ZBTB20: variants seen among roughly 807,000 people sequenced by gnomAD.
ZBTB20 encodes zinc finger and BTB domain containing 20.
ZBTB20 carries 9 observed loss-of-function variants against 56.9 expected under a neutral mutation model. That is an observed-to-expected ratio of 0.16 (90% CI 0.10 to 0.28). ZBTB20 has a LOEUF of 0.28. Ranked by LOEUF, ZBTB20 falls within the 10% of genes least tolerant of loss-of-function variation. ZBTB20 has a pLI of 1.00. For missense variants in ZBTB20, 655 were observed against 1,003.0 expected (o/e 0.65, Z 4.69); for synonymous variants, 417 against 420.7 (o/e 0.99, Z 0.11).
At chr3:114,343,919 G>A (rs1404089423) in intron 11 of ZBTB20, among the ~76,000 whole-genome samples, 2 of 152,086 alleles carry the variant, frequency 1.3e-5, no homozygotes, top group African/African-American at 4.8e-5. Flanking sequence ...CATGGTGGTG[G>A]GCGCCTGTAA....
rs1248616771 is a variant in ZBTB20, at chr3:114,744,915, C to T, written c.-342-51340G>A. Among the ~76,000 whole-genome samples, 6 of 151,192 alleles carry T rather than the reference C, an allele frequency of 4.0e-5. No individual in the cohort carries two copies. In the South Asian group the frequency reaches 8.4e-4, roughly 21 times the overall value. Reference sequence around the variant, plus strand: ...CCTAGAAAAAGAGCCTCTTTGCATACGTGAAAAAAAAGAACTCAAATAAAA... The same window carrying T: ...CCTAGAAAAAGAGCCTCTTTGCATATGTGAAAAAAAAGAACTCAAATAAAA... On this transcript the variant is annotated intron_variant, in intron 5 of 11. Transcript: ENST00000675478.
chr3:115,070,006 G>A (rs1262705556), intron 2 of ZBTB20, among the ~76,000 whole-genome samples: 1 of 151,992 alleles, frequency 6.6e-6, no homozygotes, highest in African/African-American at 2.4e-5. Flanking sequence ...CTTTGATGTA[G>A]GACCAATGGC....
intron 3 of ZBTB20, among the ~76,000 whole-genome samples, chr3:114,936,785 T>C (rs1470371833): frequency 4.6e-5 from 7 of 152,200 alleles, no homozygotes; most frequent in African/African-American, 1.4e-4. Context: ...CATTAAGCAC[T>C]ATGTATCAAG....
Position 114,765,921 on chromosome 3 carries a change from C to T in ZBTB20, c.-343+35180G>A, listed in dbSNP as rs538945705. 1.2e-4 allele frequency among the ~76,000 whole-genome samples: 18 copies of T among 152,130 alleles called. No homozygotes were observed. In the South Asian group the frequency reaches 1.9e-3, roughly 16 times the overall value. On this transcript the variant is annotated intron_variant, in intron 5 of 11. Transcript: ENST00000675478. ...AAACTGAAATATACTCTACAGAACACGTCAAAGAAAGAGTCCCCAACCTCC... is the reference window on the plus strand; with the variant it reads ...AAACTGAAATATACTCTACAGAACATGTCAAAGAAAGAGTCCCCAACCTCC...
chr3:114,491,947 G>T (rs2042803570), intron 7 of ZBTB20, among the ~76,000 whole-genome samples: 1 of 152,084 alleles, frequency 6.6e-6, no homozygotes, highest in African/African-American at 2.4e-5. Flanking sequence ...ATTAATATAA[G>T]CAATATATAT....
rs562321776 is a variant in ZBTB20, at chr3:114,337,889, A to G, written c.*1116T>C. 14 of 151,902 alleles carry G rather than the reference A, an allele frequency of 9.2e-5. No homozygotes were observed. The East Asian group carries it at 2.7e-3, about 29-fold the overall frequency. 9.4% of individuals were successfully genotyped at this position (151,902 alleles called of 1,614,324 possible). A position where few individuals can be genotyped will look rare whatever the true frequency, so the allele number is the denominator to read the frequency against. ...ATGCAAAACCAAAATGAAAAAAATT[A>G]CTTTTAACAATTTCACTTTTTTTGT... On this transcript the variant is annotated 3_prime_UTR_variant, in exon 12 of 12. Coordinates refer to ENST00000675478, the MANE Select transcript of ZBTB20 (RefSeq NM_001348800.3).
At chr3:114,933,900 GCTCT>G (rs1256903303) in intron 3 of ZBTB20, among the ~76,000 whole-genome samples, 2 of 152,054 alleles carry the variant, frequency 1.3e-5, no homozygotes, top group East Asian at 3.8e-4. Flanking sequence ...AAAGCAATAT[GCTCT>G]CTATCCCAAT....
intron 6 of ZBTB20, among the ~76,000 whole-genome samples, chr3:114,688,709 A>G (rs1225910764): frequency 1.3e-5 from 2 of 152,210 alleles, no homozygotes; most frequent in Admixed American, 1.3e-4. Flanking sequence ...GTTAAGGGCT[A>G]AAGTGCCTTT....
At chr3:114,413,402 T>C (rs188442134) in intron 7 of ZBTB20, among the ~76,000 whole-genome samples, 71 of 152,288 alleles carry the variant, frequency 4.7e-4, no homozygotes, top group Non-Finnish European at 1.8e-4. Context: ...ACATAAATAG[T>C]ATCACAAAGG....
At chr3:115,061,646 G>A (rs1287579103) in intron 2 of ZBTB20, among the ~76,000 whole-genome samples, 2 of 151,966 alleles carry the variant, frequency 1.3e-5, no homozygotes, top group African/African-American at 2.4e-5. Flanking sequence ...TATCTATTCA[G>A]TCTGAGGTGA....
At chr3:114,949,557 C>T (rs1415453039) in intron 3 of ZBTB20, among the ~76,000 whole-genome samples, 2 of 146,042 alleles carry the variant, frequency 1.4e-5, no homozygotes, top group Non-Finnish European at 2.9e-5. Flanking sequence ...CACCTGAGGT[C>T]GGGAGTTTGA....
intron 5 of ZBTB20, among the ~76,000 whole-genome samples, chr3:114,718,394 C>T (rs1477360723): frequency 6.6e-6 from 1 of 152,080 alleles, no homozygotes; most frequent in Non-Finnish European, 1.5e-5. Flanking sequence ...ACCAGTACTC[C>T]ATCTTCTGAT....
At chr3:114,990,758 TATTA>T (rs1398052697) in intron 2 of ZBTB20, among the ~76,000 whole-genome samples, 2 of 152,174 alleles carry the variant, frequency 1.3e-5, no homozygotes, top group Non-Finnish European at 2.9e-5. Flanking sequence ...GTTGGTAGGC[TATTA>T]ATTATTGCCT....
At chr3:114,355,025 C>A (rs1023217035) in intron 10 of ZBTB20, among the ~76,000 whole-genome samples, 1 of 152,138 alleles carries the variant, frequency 6.6e-6, no homozygotes, top group African/African-American at 2.4e-5. Context: ...TTTTCCACTG[C>A]ATAACAGTGG....
At chr3:114,669,669 G>A (rs1042846728) in intron 6 of ZBTB20, among the ~76,000 whole-genome samples, 1 of 150,288 alleles carries the variant, frequency 6.7e-6, no homozygotes, top group Admixed American at 6.6e-5. Flanking sequence ...CAAAGTTAAA[G>A]TCATTTTTTC....
chr3:114,503,522 A>T (rs1352054289), intron 6 of ZBTB20, among the ~76,000 whole-genome samples: 2 of 152,190 alleles, frequency 1.3e-5, no homozygotes, highest in African/African-American at 4.8e-5. Flanking sequence ...TGCTCTTTCC[A>T]CCTAAGTGAT....
intron 5 of ZBTB20, among the ~76,000 whole-genome samples, chr3:114,759,692 TA>T (rs149389123): frequency 0.015 from 2,255 of 149,972 alleles, 60 homozygotes; most frequent in African/African-American, 0.05. Flanking sequence ...CATTTAGCCT[TA>T]AAAAAAAAAT....
At chr3:115,146,854 G>A (rs1001418537) in intron 1 of ZBTB20, among the ~76,000 whole-genome samples, 1 of 152,016 alleles carries the variant, frequency 6.6e-6, no homozygotes, top group African/African-American at 2.4e-5. Context: ...GAAGAAGGCA[G>A]AAGACACGTT....
intron 6 of ZBTB20, among the ~76,000 whole-genome samples, chr3:114,501,624 C>CAA (rs553940453): frequency 2.7e-5 from 1 of 36,550 alleles, no homozygotes; most frequent in African/African-American, 7.6e-5. Context: ...AAAACTCCGT[C>CAA]AAAAAAAAAA....
Sources: allele counts gnomAD v4.1 joint callset (sites outside exome capture counted in the v4.1 genomes callset), GRCh38; gene constraint gnomAD v4.1.1; transcripts MANE v1.5; gene names NCBI Gene and HGNC (gene_info 2026-07-23, HGNC 2026-07-21).